The following KCNC2 variants were observed in gnomAD, a reference collection of about 807,000 sequenced individuals.
KCNC2 encodes the protein potassium voltage-gated channel subfamily C member 2, also known as voltage-gated potassium channel KCNC2.
KCNC2 carries 21 observed loss-of-function variants against 44.5 expected under a neutral mutation model. That is an observed-to-expected ratio of 0.47 (90% CI 0.33 to 0.68). KCNC2 has a LOEUF of 0.68. Among genes scored for constraint, KCNC2 ranks in the 30% least tolerant of loss-of-function variants. The pLI, the probability that KCNC2 is intolerant of heterozygous loss-of-function variation, is 0.01. For missense variants in KCNC2, 589 were observed against 826.2 expected, an observed-to-expected ratio of 0.71 and a Z score of 3.52; for synonymous variants, 391 against 339.1, an observed-to-expected ratio of 1.15 and a Z score of -1.68.
intron 2 of KCNC2, among the ~76,000 whole-genome samples, chr12:75,201,964 A>T (rs2031315932): frequency 6.6e-6 from 1 of 151,968 alleles, no homozygotes; most frequent in African/African-American, 2.4e-5. Flanking sequence ...CAATAAAAAG[A>T]ATACATGGCT....
chr12:75,184,430 T>G (rs1283998132), intron 2 of KCNC2, among the ~76,000 whole-genome samples: 1 of 152,204 alleles, frequency 6.6e-6, no homozygotes, highest in Non-Finnish European at 1.5e-5. Context: ...ATTTAATCAC[T>G]AATGATAACA....
chr12:75,187,028 C>A (rs1391049007), intron 2 of KCNC2, among the ~76,000 whole-genome samples: 1 of 152,150 alleles, frequency 6.6e-6, no homozygotes, highest in Non-Finnish European at 1.5e-5. Context: ...TTCAGATAAA[C>A]AATTAAATGA....
At chr12:75,106,127 T>C (rs949788487) in intron 2 of KCNC2, among the ~76,000 whole-genome samples, 1 of 152,154 alleles carries the variant, frequency 6.6e-6, no homozygotes, top group African/African-American at 2.4e-5. Context: ...GAAAGAATGA[T>C]CAACTGTGTC....
At chr12:75,098,657 G>A (rs11180363) in intron 2 of KCNC2, among the ~76,000 whole-genome samples, 6 of 151,776 alleles carry the variant, frequency 4.0e-5, no homozygotes, top group South Asian at 2.1e-4. Context: ...TGCTTGGGAG[G>A]CTGAGGCAGG....
intron 2 of KCNC2, among the ~76,000 whole-genome samples, chr12:75,158,724 T>C (rs934533840): frequency 6.6e-6 from 1 of 151,886 alleles, no homozygotes; most frequent in Non-Finnish European, 1.5e-5. Context: ...AGAAGCTTTA[T>C]CTGAAAATGG....
rs1262634574 is a variant in KCNC2 at position 75,201,286 on chromosome 12, A to C, written c.687+6011T>G. On this transcript the variant is annotated intron_variant, in intron 2 of 4. Coordinates refer to ENST00000549446, the MANE Select transcript of KCNC2 (RefSeq NM_139137.4). ...GGAAAAAAAAAAAAAAAAAAAAAAAAAAAAAAAAAAAACCAGATTCTGGTT... is the reference window on the plus strand; with the variant it reads ...GGAAAAAAAAAAAAAAAAAAAAAAACAAAAAAAAAAAACCAGATTCTGGTT... 2.9e-3 allele frequency among the ~76,000 whole-genome samples: 316 copies of C among 109,732 alleles called. 5 individuals carry two copies. Among genetic ancestry groups the C allele is most frequent in the African/African-American group, 0.01 (296 of 28,732 alleles). The allele number at this position is 109,732 out of a possible 152,430, so 72.0% of individuals were successfully genotyped here. A position where few individuals can be genotyped will look rare whatever the true frequency, so the allele number is the denominator to read the frequency against.
chr12:75,108,315 T>C (rs987047050), intron 2 of KCNC2, among the ~76,000 whole-genome samples: 2 of 152,060 alleles, frequency 1.3e-5, no homozygotes, highest in Non-Finnish European at 2.9e-5. Flanking sequence ...ACACAGAAAA[T>C]AGGAGAAAGA....
At chr12:75,123,478 T>G (rs1434767189) in intron 2 of KCNC2, among the ~76,000 whole-genome samples, 1 of 152,200 alleles carries the variant, frequency 6.6e-6, no homozygotes, top group African/African-American at 2.4e-5. Flanking sequence ...CCTTTAGAAC[T>G]GAACAGGCAG....
intron 2 of KCNC2, among the ~76,000 whole-genome samples, chr12:75,145,277 C>A (rs1889939616): frequency 6.6e-6 from 1 of 151,940 alleles, no homozygotes; most frequent in Non-Finnish European, 1.5e-5. Context: ...TGCTTCTTAA[C>A]ACTTCCCCAT....
In KCNC2 at chr12:75,207,759, GCCT is replaced by G; in HGVS notation, c.222_224del (p.Gly76del). On this transcript the variant is annotated inframe_deletion, in exon 2 of 5. Coordinates refer to ENST00000549446, the MANE Select transcript of KCNC2 (RefSeq NM_139137.4). This position sits in a 1 kb window ranked among gnomAD's most constrained non-coding sequence, Gnocchi z 4.1. ...TGCCCGCGCCGCCCTCGAAGCAGCC[GCCT>G]GGCCCGGGGGACAGCGGGGGCGCTC... 1.9e-6 allele frequency: 3 copies of G among 1,569,832 alleles called. No homozygotes were observed. The highest frequency in any genetic ancestry group is 2.6e-6 in the Non-Finnish European group (3 of 1,158,090).
rs1433123382 is a variant in KCNC2, at chr12:75,041,106, A to G, written c.*1999T>C. 3.1e-6 allele frequency: 5 copies of G among 1,596,498 alleles called. No homozygotes were observed. Among genetic ancestry groups the G allele is most frequent in the Admixed American group, 1.7e-5 (1 of 59,826 alleles). On this transcript the variant is annotated 3_prime_UTR_variant, in exon 5 of 5. Transcript: ENST00000549446. The stretch of plus-strand genomic sequence containing the variant: ...GTGCAACCTGGTCACATCAGGGCAC[A>G]TTCAGCAGCAGAAGTCTGTTTCCAG...
chr12:75,186,330 G>A (rs1892947053), intron 2 of KCNC2, among the ~76,000 whole-genome samples: 1 of 151,956 alleles, frequency 6.6e-6, no homozygotes, highest in Non-Finnish European at 1.5e-5. Flanking sequence ...CATGGAGCAT[G>A]CACAAACTCA....
chr12:75,163,021 T>C (rs1223834085), intron 2 of KCNC2, among the ~76,000 whole-genome samples: 1 of 151,694 alleles, frequency 6.6e-6, no homozygotes, highest in African/African-American at 2.4e-5. Context: ...TCCAGATCTG[T>C]CTCTCCTCGT....
intron 2 of KCNC2, among the ~76,000 whole-genome samples, chr12:75,103,136 T>C (rs1886506909): frequency 6.6e-6 from 1 of 152,108 alleles, no homozygotes; most frequent in Non-Finnish European, 1.5e-5. Context: ...GGACAAATCA[T>C]AGATCTCCAA....
intron 2 of KCNC2, among the ~76,000 whole-genome samples, chr12:75,201,367 G>A (rs1417903661): frequency 2.1e-5 from 3 of 142,918 alleles, no homozygotes; most frequent in African/African-American, 5.2e-5. Context: ...TGAACATGTC[G>A]TCCCTTCCTC....
intron 2 of KCNC2, among the ~76,000 whole-genome samples, chr12:75,102,961 A>C (rs1886493769): frequency 6.6e-6 from 1 of 152,082 alleles, no homozygotes; most frequent in South Asian, 2.1e-4. Context: ...TGTAACTAAT[A>C]CTTTCCTCAG....
At chr12:75,046,517 T>G (rs1006732361) in intron 4 of KCNC2, among the ~76,000 whole-genome samples, 2 of 151,802 alleles carry the variant, frequency 1.3e-5, no homozygotes, top group Admixed American at 1.3e-4. Flanking sequence ...AAAATGTATG[T>G]AAATTTAACA....
intron 2 of KCNC2, among the ~76,000 whole-genome samples, chr12:75,193,142 A>G (rs1372730155): frequency 1.3e-5 from 2 of 152,198 alleles, no homozygotes; most frequent in Non-Finnish European, 2.9e-5. Flanking sequence ...ACTAGTATGA[A>G]CAAGAAGCCT....
intron 2 of KCNC2, among the ~76,000 whole-genome samples, chr12:75,176,181 T>A (rs1892170161): frequency 6.6e-6 from 1 of 152,024 alleles, no homozygotes; most frequent in South Asian, 2.1e-4. Flanking sequence ...TACCTGTACA[T>A]TTAGCTATTT....
Sources: allele counts gnomAD v4.1 joint callset (sites outside exome capture counted in the v4.1 genomes callset), GRCh38; gene constraint gnomAD v4.1.1; non-coding constraint Gnocchi (gnomAD v3.1); transcripts MANE v1.5; gene names NCBI Gene and HGNC (gene_info 2026-07-23, HGNC 2026-07-21).